Variants in XPO7 observed in about 807,000 individuals in gnomAD.
The protein encoded by XPO7 is exportin 7.
A neutral mutation model predicts 144.3 loss-of-function variants in XPO7; 21 were observed. That is an observed-to-expected ratio of 0.15 (90% CI 0.10 to 0.21). XPO7 has a LOEUF of 0.21. XPO7 is among the 10% of genes least tolerant of loss of function. XPO7 has a pLI of 1.00. For missense variants in XPO7, 808 were observed against 1,325.8 expected (o/e 0.61, Z 6.06); for synonymous variants, 580 against 499.6 (o/e 1.16, Z -2.15).
chr8:21,999,236 C>T lies in XPO7; in HGVS notation c.2574C>T (p.Asp858=), dbSNP rs532037164. 40 of 1,613,840 alleles carry T rather than the reference C, an allele frequency of 2.5e-5. 1 individual carries two copies. In the South Asian group the frequency reaches 3.4e-4, roughly 14 times the overall value. The part of the protein sequence containing the change: ...VNFGVFRLYG[D]DALDNALQTF... Reference sequence around the variant, plus strand: ...TCGGAGTCTTTCGTCTCTATGGAGACGATGCCCTGGACAATGCTCTGCAGA... The same window carrying T: ...TCGGAGTCTTTCGTCTCTATGGAGATGATGCCCTGGACAATGCTCTGCAGA... The change falls in exon 23 of 28, where the codon GAC becomes GAT. Residue 858 remains aspartate, a synonymous_variant. Coordinates refer to ENST00000252512, the MANE Select transcript of XPO7 (RefSeq NM_015024.5).
intron 1 of XPO7, among the ~76,000 whole-genome samples, chr8:21,945,195 G>C (rs1563315803): frequency 6.6e-6 from 1 of 151,876 alleles, no homozygotes; most frequent in Non-Finnish European, 1.5e-5. Flanking sequence ...GGGCAGAGGC[G>C]CCCCCCACCT....
intron 1 of XPO7, among the ~76,000 whole-genome samples, chr8:21,936,205 AT>A (rs1171343476): frequency 1.3e-5 from 2 of 151,832 alleles, no homozygotes; most frequent in Non-Finnish European, 2.9e-5. Flanking sequence ...TGGCATGTTA[AT>A]TTTTTTTAAG....
intron 4 of XPO7, 124 bp downstream of exon 4, chr8:21,970,434 G>T (rs564613885): frequency 6.5e-5 from 65 of 1,005,356 alleles, no homozygotes; most frequent in Non-Finnish European, 8.8e-5. Context: ...ACACAAAATA[G>T]AATTATATGA....
intron 1 of XPO7, among the ~76,000 whole-genome samples, chr8:21,961,610 T>C (rs1811728298): frequency 6.6e-6 from 1 of 152,148 alleles, no homozygotes; most frequent in Admixed American, 6.5e-5. Context: ...TTCCACATGC[T>C]AACACTTGAT....
At chr8:21,939,224 TC>T (rs1352322597) in intron 1 of XPO7, among the ~76,000 whole-genome samples, 1 of 101,334 alleles carries the variant, frequency 9.9e-6, no homozygotes, top group African/African-American at 4.5e-5. Flanking sequence ...CTTTTTCTTT[TC>T]TTTTTTTTTT....
chr8:21,979,272 C>T (rs574344798), intron 8 of XPO7, among the ~76,000 whole-genome samples: 4 of 151,626 alleles, frequency 2.6e-5, no homozygotes, highest in East Asian at 1.9e-4. Flanking sequence ...CTCAAACTCC[C>T]GACCTCAGGT....
intron 21 of XPO7, 127 bp downstream of exon 21, chr8:21,995,726 GTTT>G (rs1244760712): frequency 1.6e-6 from 1 of 627,584 alleles, no homozygotes; most frequent in Non-Finnish European, 2.5e-6. Flanking sequence ...AATTCGAAAA[GTTT>G]TTGTGTTTTT....
chr8:21,975,302 A>G (rs1486544134), intron 6 of XPO7, among the ~76,000 whole-genome samples: 2 of 152,268 alleles, frequency 1.3e-5, no homozygotes, highest in African/African-American at 4.8e-5. Flanking sequence ...ACATCCATTT[A>G]GATTTAATAA....
intron 1 of XPO7, among the ~76,000 whole-genome samples, chr8:21,934,908 G>C (rs748143436): frequency 2.6e-5 from 4 of 152,198 alleles, no homozygotes; most frequent in African/African-American, 4.8e-5. Flanking sequence ...ACGCAAGGTG[G>C]ATTGTAATAG....
In XPO7 at chr8:21,978,307, T is replaced by C. The variant is rs115720722; in HGVS notation, c.837+464T>C. Among the ~76,000 whole-genome samples the C allele has an allele frequency of 3.9e-3, 595 of 152,352 alleles. 3 individuals carry two copies. The highest frequency in any genetic ancestry group is 0.014 in the African/African-American group (568 of 41,584). ...TATTGGGAATGGTGTATTTCTCTTT[T>C]AAAGCCATAATTAACCTAAAACCTC... On this transcript the variant is annotated intron_variant, in intron 8 of 27. Transcript: ENST00000252512.
chr8:21,939,168 A>G (rs898214291), intron 1 of XPO7, among the ~76,000 whole-genome samples: 3 of 151,318 alleles, frequency 2.0e-5, no homozygotes, highest in East Asian at 3.9e-4. Context: ...CGCTTTGCCT[A>G]TGGAATATAC....
At chr8:21,925,722 T>C (rs1291977673) in intron 1 of XPO7, among the ~76,000 whole-genome samples, 3 of 152,228 alleles carry the variant, frequency 2.0e-5, no homozygotes, top group Admixed American at 1.3e-4. Flanking sequence ...GTGAAGTCCC[T>C]TGTACTTCAA....
chr8:21,998,636 C>T (rs1416573944), intron 21 of XPO7, 119 bp from the exon 22 acceptor site: 1 of 715,072 alleles, frequency 1.4e-6, no homozygotes, highest in Non-Finnish European at 2.3e-6. Flanking sequence ...TTAGGATAGG[C>T]AATTGCTTAC....
At chr8:21,932,108 A>C (rs1373364075) in intron 1 of XPO7, among the ~76,000 whole-genome samples, 1 of 152,140 alleles carries the variant, frequency 6.6e-6, no homozygotes, top group African/African-American at 2.4e-5. Flanking sequence ...TCCTGACCTC[A>C]GGTGATCCGC....
chr8:22,003,274 C>G lies in XPO7; in HGVS notation c.2999C>G (p.Ser1000Cys). The G allele has an allele frequency of 1.2e-6, 2 of 1,613,176 alleles. No individual in the cohort carries two copies. The highest frequency in any genetic ancestry group is 1.7e-6 in the Non-Finnish European group (2 of 1,179,628). ...TTTGAAGACTGTAGGAACCAGTGGT[C>G]TATGTCCCGACCACTACTTGGCTTG... ...IIFEDCRNQW[S>C]MSRPLLGLIL... is the part of the protein sequence containing the mutation. The change falls in exon 26 of 28, where the codon TCT becomes TGT. Residue 1000 changes from serine (S) to cysteine (C), a missense_variant. Physicochemically the swap from Ser to Cys is moderately radical, Grantham distance 112. Around this residue, in one of 5 missense-constraint regions of XPO7, gnomAD observed 140 missense variants for 237.9 expected, o/e 0.59. Coordinates refer to ENST00000252512, the MANE Select transcript of XPO7 (RefSeq NM_015024.5).
rs369271485 is a variant in XPO7 at position 22,004,970 on chromosome 8, C to G, written c.3171-25C>G. 20 of 1,512,076 alleles carry G rather than the reference C, an allele frequency of 1.3e-5. No homozygotes were observed. The East Asian group carries it at 2.6e-4, about 19-fold the overall frequency. The allele number at this position is 1,512,076 out of a possible 1,614,324, so 93.7% of individuals were successfully genotyped here. A position where few individuals can be genotyped will look rare whatever the true frequency, so the allele number is the denominator to read the frequency against. Reference sequence around the variant, plus strand: ...ACCTTTCCCCCCCACTCTCCTCCCCCAACCCACATGCATCCTCTCTGCAGG... The same window carrying G: ...ACCTTTCCCCCCCACTCTCCTCCCCGAACCCACATGCATCCTCTCTGCAGG... On this transcript the variant is annotated intron_variant, in intron 27 of 27. Coordinates refer to ENST00000252512, the MANE Select transcript of XPO7 (RefSeq NM_015024.5).
At chr8:21,937,845 A>T (rs2117261917) in intron 1 of XPO7, among the ~76,000 whole-genome samples, 1 of 152,352 alleles carries the variant, frequency 6.6e-6, no homozygotes, top group Middle Eastern at 3.4e-3. Flanking sequence ...AATGTTACGT[A>T]AATGAGAATC....
At chr8:21,919,816 C>T (rs1810203773) in intron 1 of XPO7, 28 bp downstream of exon 1, 3 of 440,642 alleles carry the variant, frequency 6.8e-6, no homozygotes, top group Non-Finnish European at 7.2e-6. Flanking sequence ...GGGGAGGGGG[C>T]GACCACGAAG....
chr8:21,919,779 T>G lies in XPO7; in HGVS notation c.9T>G (p.Asp3Glu). Residue 3 changes from aspartate (D) to glutamate (E), a missense_variant, in exon 1 of 28, where the codon GAT (aspartate) becomes GAG (glutamate). Around this residue, in one of 5 missense-constraint regions of XPO7, gnomAD observed 223 missense variants for 368.8 expected, o/e 0.60. Transcript: ENST00000252512. MA[D>E]HVQSLAQLEN... is the part of the protein sequence containing the mutation. ...AGCATGAATGGAGCAAAATGGCGGA[T>G]CATGTGCAGGTGAGAGGAGCCGCGG... The G allele has an allele frequency of 1.9e-6, 1 of 531,726 alleles. No homozygotes were observed. The highest frequency in any genetic ancestry group is 2.7e-6 in the Non-Finnish European group (1 of 364,412). The allele number at this position is 531,726 out of a possible 1,614,324, so 32.9% of individuals were successfully genotyped here. A position where few individuals can be genotyped will look rare whatever the true frequency, so the allele number is the denominator to read the frequency against.
Sources: gnomAD v4.1 joint callset for allele counts (sites outside exome capture counted in the v4.1 genomes callset) on GRCh38, gnomAD v4.1.1 for gene constraint, gnomAD v4.1.1 regional missense constraint, MANE v1.5 for transcripts, NCBI Gene and HGNC (gene_info 2026-07-23, HGNC 2026-07-21) for gene names.